Variants in SP4 observed in about 807,000 individuals in gnomAD.
The protein encoded by SP4 is transcription factor Sp4.
Under a neutral mutation model 72.8 loss-of-function variants are expected in SP4, and 19 were observed. That is an observed-to-expected ratio of 0.26 (90% confidence interval 0.18 to 0.38). The LOEUF (loss-of-function observed/expected upper bound fraction) is 0.38. Among genes scored for constraint, SP4 ranks in the 10% least tolerant of loss-of-function variants. The pLI, the probability that SP4 is intolerant of heterozygous loss-of-function variation, is 1.00. For synonymous variants in SP4, 395 were observed against 333.1 expected, an observed-to-expected ratio of 1.19 and a Z score of -2.02; for missense variants, 1,008 against 926.3, an observed-to-expected ratio of 1.09 and a Z score of -1.14.
intron 5 of SP4, among the ~76,000 whole-genome samples, chr7:21,489,005 G>A (rs1447907080): frequency 6.6e-6 from 1 of 152,032 alleles, no homozygotes; most frequent in Non-Finnish European, 1.5e-5. Flanking sequence ...GTGTTATAGG[G>A]ATCTTTAACC....
At chr7:21,510,731 C>CT (rs1376859285) in intron 5 of SP4, among the ~76,000 whole-genome samples, 26 of 152,156 alleles carry the variant, frequency 1.7e-4, no homozygotes, top group Admixed American at 4.6e-4. Flanking sequence ...TAAAAACCCT[C>CT]TTGCTTTGTA....
Position 21,429,868 on chromosome 7 carries a change from C to G in SP4, c.703C>G (p.Pro235Ala), listed in dbSNP as rs1321077302. 1.9e-6 allele frequency: 3 copies of G among 1,614,002 alleles called. No individual in the cohort carries two copies. The highest frequency in any genetic ancestry group is 1.3e-5 in the African/African-American group (1 of 74,930). Residue 235 changes from proline to alanine, a missense_variant, in exon 3 of 6, where the codon CCT becomes GCT. Physicochemically the swap from Pro to Ala is conservative, Grantham distance 27. Coordinates refer to ENST00000222584, the MANE Select transcript of SP4 (RefSeq NM_003112.5). The part of the protein sequence containing the change: ...ANQTVPVQIR[P>A]GVSIPLQLQT... ...TCAGACAGTTCCGGTCCAAATTAGA[C>G]CTGGTGTTTCAATACCACTGCAGTT...
intron 5 of SP4, among the ~76,000 whole-genome samples, chr7:21,505,037 T>G (rs1009205400): frequency 2.6e-5 from 4 of 152,250 alleles, no homozygotes; most frequent in Non-Finnish European, 4.4e-5. Flanking sequence ...GGGCCCGCTT[T>G]AGCTCTTTTA....
chr7:21,470,244 T>C (rs3807643), intron 3 of SP4, among the ~76,000 whole-genome samples: 8,015 of 152,304 alleles, frequency 0.053, 286 homozygotes, highest in East Asian at 0.1. Flanking sequence ...TTTCAGTGTG[T>C]CAGGAACCTT....
chr7:21,428,442 C>A (rs1334564939), intron 1 of SP4, among the ~76,000 whole-genome samples, 184 bp downstream of exon 1: 1 of 152,066 alleles, frequency 6.6e-6, no homozygotes, highest in Non-Finnish European at 1.5e-5. Flanking sequence ...TGAGAGAGAA[C>A]AACCTCCTTC....
At chr7:21,450,403 G>A (rs747730733) in intron 3 of SP4, among the ~76,000 whole-genome samples, 2 of 151,980 alleles carry the variant, frequency 1.3e-5, no homozygotes, top group Non-Finnish European at 2.9e-5. Flanking sequence ...GTAATATTGA[G>A]GTAAATATAC....
chr7:21,436,385 GT>G (rs1562585239), intron 3 of SP4, among the ~76,000 whole-genome samples: 1 of 152,180 alleles, frequency 6.6e-6, no homozygotes, highest in East Asian at 1.9e-4. Flanking sequence ...CATAGATCTT[GT>G]AGAAATAACA....
rs181004788 is a variant in SP4, at chr7:21,447,936, G to A, written c.1678+17093G>A. On this transcript the variant is annotated intron_variant, in intron 3 of 5. Transcript: ENST00000222584. ...TGACCTCAAGTGATCCTCTCGCTTC[G>A]GCCTCCCAAAGTGCTGGGATTACAG... Among the ~76,000 whole-genome samples, 8 of 152,148 alleles carry A rather than the reference G, an allele frequency of 5.3e-5. No individual in the cohort carries two copies. In the East Asian group the frequency reaches 7.7e-4, roughly 15 times the overall value.
At chr7:21,436,905 A>T (rs9791447) in intron 3 of SP4, among the ~76,000 whole-genome samples, 2,028 of 152,270 alleles carry the variant, frequency 0.013, 45 homozygotes, top group East Asian at 0.076. Flanking sequence ...GAAGCCCAGA[A>T]AGGTTAAATG....
chr7:21,483,058 A>G (rs2128411451), intron 5 of SP4, among the ~76,000 whole-genome samples: 1 of 152,226 alleles, frequency 6.6e-6, no homozygotes, highest in Middle Eastern at 3.4e-3. Context: ...TACAGTGGCT[A>G]TTTAACTAGC....
chr7:21,495,868 G>A (rs912653429), intron 5 of SP4, among the ~76,000 whole-genome samples: 2 of 152,118 alleles, frequency 1.3e-5, no homozygotes, highest in Non-Finnish European at 2.9e-5. Flanking sequence ...ATGTCCTTCA[G>A]CTGGTGAATG....
At chr7:21,441,320 A>T (rs1458149855) in intron 3 of SP4, among the ~76,000 whole-genome samples, 1 of 152,212 alleles carries the variant, frequency 6.6e-6, no homozygotes, top group African/African-American at 2.4e-5. Flanking sequence ...CAAAGCTATC[A>T]TGTGGAAGCT....
intron 3 of SP4, among the ~76,000 whole-genome samples, chr7:21,460,936 T>G (rs1783949337): frequency 6.6e-6 from 1 of 151,744 alleles, no homozygotes; most frequent in African/African-American, 2.4e-5. Context: ...ACATAAAGAT[T>G]CTCCAAGTCC....
intron 5 of SP4, among the ~76,000 whole-genome samples, chr7:21,508,162 G>A (rs1319442176): frequency 6.6e-6 from 1 of 152,146 alleles, no homozygotes; most frequent in Non-Finnish European, 1.5e-5. Context: ...CCCAAATCGG[G>A]TGGGACACCT....
chr7:21,481,715 A>T (rs899670298), intron 4 of SP4, among the ~76,000 whole-genome samples: 3 of 152,192 alleles, frequency 2.0e-5, no homozygotes, highest in African/African-American at 7.2e-5. Flanking sequence ...ACTCTTTGAG[A>T]TTAACACATT....
chr7:21,437,578 T>C (rs1009197364), intron 3 of SP4, among the ~76,000 whole-genome samples: 2 of 152,104 alleles, frequency 1.3e-5, no homozygotes, highest in Non-Finnish European at 2.9e-5. Context: ...TGGGAGGTGG[T>C]GCTTATATGA....
chr7:21,510,575 T>A (rs1782116311), intron 5 of SP4, among the ~76,000 whole-genome samples: 1 of 152,230 alleles, frequency 6.6e-6, no homozygotes, highest in Admixed American at 6.5e-5. Context: ...ATTATTAACT[T>A]AGTTTATTTG....
chr7:21,458,247 C>T (rs1043008490), intron 3 of SP4, among the ~76,000 whole-genome samples: 12 of 152,126 alleles, frequency 7.9e-5, no homozygotes, highest in Non-Finnish European at 1.6e-4. Flanking sequence ...GGCTGGAGTG[C>T]AATGGCACAG....
chr7:21,451,792 C>T (rs1046022456), intron 3 of SP4, among the ~76,000 whole-genome samples: 4 of 152,150 alleles, frequency 2.6e-5, no homozygotes, highest in Admixed American at 1.3e-4. Context: ...ATTTAGAAGA[C>T]AGAGGCCAAA....
Sources: allele counts gnomAD v4.1 joint callset (sites outside exome capture counted in the v4.1 genomes callset), GRCh38; gene constraint gnomAD v4.1.1; transcripts MANE v1.5; gene names NCBI Gene and HGNC (gene_info 2026-07-23, HGNC 2026-07-21).